JARID2: variants seen among roughly 807,000 people sequenced by gnomAD.
JARID2 encodes the protein protein Jumonji.
In JARID2, 21 loss-of-function variants were observed where a neutral mutation model predicts 125.6. That is an observed-to-expected ratio of 0.17 (90% CI 0.12 to 0.24). JARID2 has a LOEUF of 0.24. Ranked by LOEUF, JARID2 falls within the 10% of genes least tolerant of loss-of-function variation. The pLI, the probability that JARID2 is intolerant of heterozygous loss-of-function variation, is 1.00. For synonymous variants in JARID2, 736 were observed against 661.6 expected, an observed-to-expected ratio of 1.11 and a Z score of -1.73; for missense variants, 1,303 against 1,639.6, an observed-to-expected ratio of 0.79 and a Z score of 3.55.
chr6:15,324,712 C>T (rs1762478855), intron 1 of JARID2, among the ~76,000 whole-genome samples: 1 of 150,534 alleles, frequency 6.6e-6, no homozygotes, highest in African/African-American at 2.4e-5. Flanking sequence ...TTTGCAAACT[C>T]CTGAGTTCAA....
intron 3 of JARID2, among the ~76,000 whole-genome samples, chr6:15,427,671 T>C (rs1766789203): frequency 6.6e-6 from 1 of 152,138 alleles, no homozygotes; most frequent in Non-Finnish European, 1.5e-5. Context: ...CTGATCTTTT[T>C]CAGCAGTTTC....
chr6:15,520,346 A>G lies in JARID2; in HGVS notation c.*95A>G. On this transcript the variant is annotated 3_prime_UTR_variant, in exon 18 of 18. Coordinates refer to ENST00000341776, the MANE Select transcript of JARID2 (RefSeq NM_004973.4). ...GCTGTAGGATTCAAGCTGTCTTTGCACTAGCTCTAAAGAAGATTTTCTTCT... is the reference window on the plus strand; with the variant it reads ...GCTGTAGGATTCAAGCTGTCTTTGCGCTAGCTCTAAAGAAGATTTTCTTCT... 1 of 913,346 alleles carries G rather than the reference A, an allele frequency of 1.1e-6. No homozygotes were observed. The highest frequency in any genetic ancestry group is 1.7e-5 in the African/African-American group (1 of 58,160). 56.6% of individuals were successfully genotyped at this position (913,346 alleles called of 1,614,324 possible).
chr6:15,399,662 C>T (rs1196024985), intron 2 of JARID2, among the ~76,000 whole-genome samples: 1 of 152,210 alleles, frequency 6.6e-6, no homozygotes, highest in African/African-American at 2.4e-5. Context: ...GCAAAGTTGA[C>T]ATCTACCTTC....
At chr6:15,312,501 G>T (rs1762048595) in intron 1 of JARID2, among the ~76,000 whole-genome samples, 3 of 152,284 alleles carry the variant, frequency 2.0e-5, no homozygotes, top group South Asian at 4.2e-4. Flanking sequence ...ACCCGAGAAA[G>T]CTCCCTTGTG....
chr6:15,353,382 T>C (rs1196364335), intron 1 of JARID2, among the ~76,000 whole-genome samples: 1 of 152,236 alleles, frequency 6.6e-6, no homozygotes, highest in Non-Finnish European at 1.5e-5. Flanking sequence ...GTACCTATTC[T>C]GAGAGAGCTT....
chr6:15,268,521 A>G (rs1322576550), intron 1 of JARID2, among the ~76,000 whole-genome samples: 1 of 152,210 alleles, frequency 6.6e-6, no homozygotes, highest in Non-Finnish European at 1.5e-5. Flanking sequence ...GTGTACTTAT[A>G]TCCGAAAGCC....
At chr6:15,360,441 C>T (rs530468078) in intron 1 of JARID2, among the ~76,000 whole-genome samples, 7 of 152,172 alleles carry the variant, frequency 4.6e-5, no homozygotes, top group East Asian at 3.9e-4. Context: ...CCTCGGCCTC[C>T]GAAAGTCCTG....
intron 5 of JARID2, among the ~76,000 whole-genome samples, chr6:15,482,543 C>A (rs1225488405): frequency 4.6e-5 from 7 of 152,132 alleles, no homozygotes; most frequent in Non-Finnish European, 8.8e-5. Context: ...CATTATTTGA[C>A]CTTTTTGTTA....
intron 1 of JARID2, among the ~76,000 whole-genome samples, chr6:15,258,815 A>G (rs1759765733): frequency 6.6e-6 from 1 of 152,196 alleles, no homozygotes; most frequent in South Asian, 2.1e-4. Flanking sequence ...ACCAACTGTG[A>G]CTATTTAGAC....
intron 2 of JARID2, among the ~76,000 whole-genome samples, chr6:15,398,616 C>T (rs903683969): frequency 6.6e-5 from 10 of 152,272 alleles, no homozygotes; most frequent in Middle Eastern, 3.4e-3. Flanking sequence ...AGGACTGACT[C>T]GCATGTACTG....
intron 1 of JARID2, among the ~76,000 whole-genome samples, chr6:15,362,093 G>C: frequency 6.6e-6 from 1 of 151,826 alleles, no homozygotes; most frequent in Non-Finnish European, 1.5e-5. Context: ...CGCCATGTTG[G>C]TCAGGCTGGT....
At chr6:15,515,071 A>G (rs1178824626) in intron 16 of JARID2, among the ~76,000 whole-genome samples, 1 of 151,418 alleles carries the variant, frequency 6.6e-6, no homozygotes, top group Admixed American at 6.6e-5. Flanking sequence ...TTTGTTTGAG[A>G]CAGTCTTGCT....
chr6:15,309,603 GTCTTA>G (rs1188047246), intron 1 of JARID2, among the ~76,000 whole-genome samples: 4 of 151,864 alleles, frequency 2.6e-5, no homozygotes, highest in South Asian at 2.1e-4. Context: ...TAATTTTTTT[GTCTTA>G]TCTTGGAAAA....
At chr6:15,340,648 T>A (rs1416385563) in intron 1 of JARID2, among the ~76,000 whole-genome samples, 3 of 152,232 alleles carry the variant, frequency 2.0e-5, no homozygotes, top group Non-Finnish European at 4.4e-5. Flanking sequence ...TTAGGAGCCC[T>A]GCTGGTGTTC....
chr6:15,386,107 A>G (rs903959397), intron 2 of JARID2, among the ~76,000 whole-genome samples: 1 of 152,086 alleles, frequency 6.6e-6, no homozygotes, highest in Non-Finnish European at 1.5e-5. Context: ...TACTTTTACT[A>G]ATATTTTTGG....
intron 3 of JARID2, among the ~76,000 whole-genome samples, chr6:15,428,940 CAAA>C (rs56334116): frequency 0.019 from 2,200 of 116,800 alleles, 39 homozygotes; most frequent in Middle Eastern, 0.061. Context: ...ACCCCCCCCC[CAAA>C]AAAAAAAAAA....
chr6:15,499,968 C>T (rs1770653058), intron 7 of JARID2, among the ~76,000 whole-genome samples: 1 of 152,200 alleles, frequency 6.6e-6, no homozygotes, highest in South Asian at 2.1e-4. Context: ...TCCGTGCACA[C>T]TTTACCTTTT....
At chr6:15,391,227 G>A (rs1764990024) in intron 2 of JARID2, among the ~76,000 whole-genome samples, 1 of 152,144 alleles carries the variant, frequency 6.6e-6, no homozygotes, top group Admixed American at 6.5e-5. Context: ...CTGCGGCCCT[G>A]ACAAGCATGG....
intron 3 of JARID2, among the ~76,000 whole-genome samples, chr6:15,451,739 G>A (rs954042993): frequency 6.6e-5 from 10 of 152,090 alleles, no homozygotes; most frequent in Admixed American, 2.0e-4. Context: ...GTGTACATAG[G>A]CATGTATTTC....
Sources: gnomAD v4.1 joint callset for allele counts (sites outside exome capture counted in the v4.1 genomes callset) on GRCh38, gnomAD v4.1.1 for gene constraint, MANE v1.5 for transcripts, NCBI Gene and HGNC (gene_info 2026-07-23, HGNC 2026-07-21) for gene names.